MAP2: variants seen among roughly 807,000 people sequenced by gnomAD.
MAP2 encodes microtubule associated protein 2, also known as microtubule-associated protein 2.
In MAP2, 14 loss-of-function variants were observed where a neutral mutation model predicts 137.6. The ratio of observed to expected loss-of-function variants is 0.10; its 90% CI spans 0.07 to 0.16. The LOEUF is 0.16. Ranked by LOEUF, MAP2 falls within the 10% of genes least tolerant of loss-of-function variation. The pLI is 1.00. For missense variants in MAP2, 2,088 were observed against 2,191.5 expected (o/e 0.95, Z 0.94); for synonymous variants, 786 against 782.3 (o/e 1.00, Z -0.08).
At chr2:209,708,067 C>T (rs868220822) in intron 12 of MAP2, among the ~76,000 whole-genome samples, 1 of 152,136 alleles carries the variant, frequency 6.6e-6, no homozygotes, top group Non-Finnish European at 1.5e-5. Flanking sequence ...GGGATGATCC[C>T]TCTCCCCAGA....
intron 2 of MAP2, among the ~76,000 whole-genome samples, chr2:209,543,308 G>A (rs1318339543): frequency 6.6e-6 from 1 of 152,136 alleles, no homozygotes; most frequent in South Asian, 2.1e-4. Flanking sequence ...CAACAGTAAC[G>A]TCAAAGATCA....
intron 2 of MAP2, among the ~76,000 whole-genome samples, chr2:209,575,678 T>A (rs1333015688): frequency 6.6e-6 from 1 of 151,978 alleles, no homozygotes; most frequent in Admixed American, 6.6e-5. Context: ...ATTCATCCAC[T>A]AGTGTGATTT....
chr2:209,544,402 G>A (rs1333751700), intron 2 of MAP2, among the ~76,000 whole-genome samples: 2 of 152,080 alleles, frequency 1.3e-5, no homozygotes, highest in Non-Finnish European at 2.9e-5. Flanking sequence ...TCTTCACTTT[G>A]ACTATGAAAG....
intron 12 of MAP2, among the ~76,000 whole-genome samples, chr2:209,709,658 C>T (rs1050314049): frequency 2.0e-5 from 3 of 151,664 alleles, no homozygotes; most frequent in South Asian, 2.1e-4. Flanking sequence ...ATGAAAATTA[C>T]GGAGAACAAA....
intron 10 of MAP2, among the ~76,000 whole-genome samples, chr2:209,697,553 T>G (rs2060533474): frequency 6.6e-6 from 1 of 152,108 alleles, no homozygotes; most frequent in Admixed American, 6.5e-5. Flanking sequence ...GAAGTGAAAT[T>G]GTGGTTTGCA....
intron 2 of MAP2, among the ~76,000 whole-genome samples, chr2:209,559,479 C>CAAAAAAAAAAA (rs59788211): frequency 2.7e-4 from 10 of 37,532 alleles, no homozygotes; most frequent in Admixed American, 8.6e-4. Flanking sequence ...GCCAAAAATA[C>CAAAAAAAAAAA]AAAAAAAAAA....
intron 2 of MAP2, among the ~76,000 whole-genome samples, chr2:209,566,764 G>A (rs1360742875): frequency 6.6e-6 from 1 of 151,988 alleles, no homozygotes; most frequent in Non-Finnish European, 1.5e-5. Context: ...TGTAAGATAA[G>A]TTTCTTTTTC....
At chr2:209,680,266 A>C (rs2053970618) in intron 6 of MAP2, among the ~76,000 whole-genome samples, 1 of 152,172 alleles carries the variant, frequency 6.6e-6, no homozygotes, top group African/African-American at 2.4e-5. Context: ...TTGTTTAAAA[A>C]ATATATTCCC....
At chr2:209,444,233 CT>C (rs1227683083) in intron 1 of MAP2, among the ~76,000 whole-genome samples, 1 of 151,460 alleles carries the variant, frequency 6.6e-6, no homozygotes, top group African/African-American at 2.4e-5. Flanking sequence ...GAACCCCCAT[CT>C]TTAATTCTTT....
chr2:209,443,032 C>G (rs1698201779), intron 1 of MAP2, among the ~76,000 whole-genome samples: 1 of 151,474 alleles, frequency 6.6e-6, no homozygotes. Flanking sequence ...CATATTTAAC[C>G]AAATCACTCC....
At chr2:209,614,002 C>A (rs2088029464) in intron 3 of MAP2, among the ~76,000 whole-genome samples, 1 of 152,110 alleles carries the variant, frequency 6.6e-6, no homozygotes, top group African/African-American at 2.4e-5. Context: ...ATAAATCAGA[C>A]TCATGTGGCT....
At chr2:209,629,730 A>T (rs771877134) in intron 4 of MAP2, among the ~76,000 whole-genome samples, 4 of 152,314 alleles carry the variant, frequency 2.6e-5, no homozygotes, top group Non-Finnish European at 5.9e-5. Context: ...TTATTGAACA[A>T]GAACCTATTC....
chr2:209,660,091 G>GAC (rs1240732258), intron 5 of MAP2, among the ~76,000 whole-genome samples: 1 of 152,014 alleles, frequency 6.6e-6, no homozygotes, highest in Non-Finnish European at 1.5e-5. Flanking sequence ...TCAAAGGCCA[G>GAC]TATCAGCAAT....
At chr2:209,553,398 G>A (rs185599003) in intron 2 of MAP2, among the ~76,000 whole-genome samples, 7 of 152,196 alleles carry the variant, frequency 4.6e-5, no homozygotes. Flanking sequence ...GGTGTTGCCT[G>A]GTTCATAAAC....
At chr2:209,707,564 G>T (rs1395180489) in intron 12 of MAP2, among the ~76,000 whole-genome samples, 1 of 150,864 alleles carries the variant, frequency 6.6e-6, no homozygotes, top group Admixed American at 6.6e-5. Context: ...TGTCATTGAG[G>T]AGTTGACAAG....
At position 209,733,960 on chromosome 2, in the gene MAP2, T is replaced by TTTC. The variant is rs1304838684; in HGVS notation, c.*3566_*3568dup. ...CACACTGTTACAAATCTGTGGGGGG[T>TTTC]TTCTTTCTTCTGATAATTCTAGAGC... On this transcript the variant is annotated 3_prime_UTR_variant, in exon 16 of 16. Coordinates refer to ENST00000682079, the MANE Select transcript of MAP2 (RefSeq NM_001375505.1). The TTTC allele has an allele frequency of 6.6e-6, 1 of 152,482 alleles. No homozygotes were observed. The highest frequency in any genetic ancestry group is 2.4e-5 in the African/African-American group (1 of 41,400). 9.4% of individuals were successfully genotyped at this position (152,482 alleles called of 1,614,324 possible). A position where few individuals can be genotyped will look rare whatever the true frequency, so the allele number is the denominator to read the frequency against.
chr2:209,690,549 T>C (rs1345409233), intron 7 of MAP2: 6 of 1,205,148 alleles, frequency 5.0e-6, no homozygotes, highest in East Asian at 5.8e-5. Flanking sequence ...AATATTTCTG[T>C]CGTTTCATGT....
chr2:209,603,416 G>A lies in MAP2; in HGVS notation c.-106-21637G>A, dbSNP rs531746154. On this transcript the variant is annotated intron_variant, in intron 3 of 15. Transcript: ENST00000682079. ...CATTTGATGTAGAAACTTCGGCGGT[G>A]GGATGGGGGGCGGTTATCACAAAGG... 2.0e-5 allele frequency among the ~76,000 whole-genome samples: 3 copies of A among 152,208 alleles called. No individual in the cohort carries two copies. In the South Asian group the frequency reaches 6.2e-4, roughly 32 times the overall value.
chr2:209,625,542 A>G (rs1301575269), intron 4 of MAP2, among the ~76,000 whole-genome samples: 1 of 152,128 alleles, frequency 6.6e-6, no homozygotes, highest in Non-Finnish European at 1.5e-5. Context: ...TCCCCATTTT[A>G]GAGATTAGGG....
Sources: allele counts gnomAD v4.1 joint callset (sites outside exome capture counted in the v4.1 genomes callset), GRCh38; gene constraint gnomAD v4.1.1; transcripts MANE v1.5; gene names NCBI Gene and HGNC (gene_info 2026-07-23, HGNC 2026-07-21).